Variants in CALN1 observed in about 807,000 individuals in gnomAD.
CALN1 encodes calneuron 1, also known as calcium-binding protein 8.
Under a neutral mutation model 30.6 loss-of-function variants are expected in CALN1, and 17 were observed. The observed-to-expected ratio is 0.56, with a 90% CI of 0.38 to 0.83. CALN1 has a LOEUF of 0.83. Among genes scored for constraint, CALN1 ranks in the 40% least tolerant of loss-of-function variants. The pLI, the probability that CALN1 is intolerant of heterozygous loss-of-function variation, is 0.00. For synonymous variants in CALN1, 156 were observed against 131.4 expected, an observed-to-expected ratio of 1.19 and a Z score of -1.28; for missense variants, 291 against 354.9, an observed-to-expected ratio of 0.82 and a Z score of 1.45.
chr7:72,257,261 C>T (rs563708109), intron 3 of CALN1, among the ~76,000 whole-genome samples: 20 of 152,264 alleles, frequency 1.3e-4, no homozygotes, highest in Admixed American at 7.8e-4. Context: ...TCACTAGACA[C>T]GTGCATATTG....
At chr7:72,430,834 T>C (rs1807950076) in intron 1 of CALN1, among the ~76,000 whole-genome samples, 1 of 152,110 alleles carries the variant, frequency 6.6e-6, no homozygotes, top group Admixed American at 6.6e-5. Flanking sequence ...TTAAAGCATA[T>C]GGGGTTGCAC....
chr7:72,229,983 T>C (rs1164750009), intron 3 of CALN1, among the ~76,000 whole-genome samples: 3 of 151,176 alleles, frequency 2.0e-5, no homozygotes, highest in Non-Finnish European at 2.9e-5. Flanking sequence ...TCTACAAAAA[T>C]ACAAAAAATT....
the CALN1 span, among the ~76,000 whole-genome samples, chr7:72,502,018 T>C: frequency 1.4e-5 from 2 of 144,824 alleles, no homozygotes; most frequent in African/African-American, 5.1e-5. Context: ...CATATATATA[T>C]TCTTTAAATG....
intron 3 of CALN1, among the ~76,000 whole-genome samples, chr7:72,265,261 G>A (rs1239373924): frequency 6.6e-6 from 1 of 152,182 alleles, no homozygotes; most frequent in African/African-American, 2.4e-5. Flanking sequence ...AAATGGGTGT[G>A]TCCTAACTCA....
intron 2 of CALN1, among the ~76,000 whole-genome samples, chr7:72,286,521 C>A (rs1798089918): frequency 6.6e-6 from 1 of 152,128 alleles, no homozygotes; most frequent in African/African-American, 2.4e-5. Context: ...TCAAATAACC[C>A]AGAAATATAT....
chr7:72,382,837 G>A (rs1224583591), intron 2 of CALN1, among the ~76,000 whole-genome samples: 2 of 152,188 alleles, frequency 1.3e-5, no homozygotes, highest in Non-Finnish European at 2.9e-5. Context: ...TTGCCAGGCT[G>A]GAGTGCAGGA....
chr7:71,917,385 T>C (rs553609677), intron 5 of CALN1, among the ~76,000 whole-genome samples: 5 of 152,224 alleles, frequency 3.3e-5, no homozygotes, highest in Non-Finnish European at 7.3e-5. Context: ...CACTATTATA[T>C]AATTGAAACT....
chr7:72,444,665 A>G (rs368721959), intron 1 of CALN1, among the ~76,000 whole-genome samples: 3 of 152,140 alleles, frequency 2.0e-5, no homozygotes, highest in East Asian at 1.9e-4. Context: ...AAACAGTCCA[A>G]TCCTTTGTGT....
At chr7:72,487,098 T>C in the CALN1 span, among the ~76,000 whole-genome samples, 2 of 152,180 alleles carry the variant, frequency 1.3e-5, no homozygotes, top group African/African-American at 4.8e-5. Context: ...TTGCCCTGGC[T>C]GGAGTACAGT....
chr7:72,189,736 C>G (rs1209672491), intron 3 of CALN1, among the ~76,000 whole-genome samples: 1 of 145,586 alleles, frequency 6.9e-6, no homozygotes, highest in Admixed American at 7.1e-5. Context: ...CCACTGCACT[C>G]TAGCCTAGGC....
At chr7:72,047,955 AAGT>A (rs1351819504) in intron 4 of CALN1, among the ~76,000 whole-genome samples, 3 of 152,142 alleles carry the variant, frequency 2.0e-5, no homozygotes, top group Non-Finnish European at 4.4e-5. Flanking sequence ...GATGTGAGCA[AAGT>A]AAGAGATGCT....
At chr7:72,338,477 G>GTGTGTA (rs1802210521) in intron 2 of CALN1, among the ~76,000 whole-genome samples, 1 of 103,540 alleles carries the variant, frequency 9.7e-6, no homozygotes, top group African/African-American at 4.7e-5. Flanking sequence ...CACAGTGTGT[G>GTGTGTA]TGTGTGTGTG....
chr7:72,355,944 T>C (rs188196597), intron 2 of CALN1, among the ~76,000 whole-genome samples: 1 of 152,304 alleles, frequency 6.6e-6, no homozygotes, highest in African/African-American at 2.4e-5. Flanking sequence ...CTCAATAAAG[T>C]TGATTTGAAA....
At chr7:72,173,914 T>C (rs1262531950) in intron 3 of CALN1, among the ~76,000 whole-genome samples, 2 of 152,110 alleles carry the variant, frequency 1.3e-5, no homozygotes, top group African/African-American at 4.8e-5. Flanking sequence ...GTATGAATCA[T>C]AACACAAAAT....
chr7:71,945,282 C>T (rs1796348262), intron 5 of CALN1, among the ~76,000 whole-genome samples: 1 of 152,184 alleles, frequency 6.6e-6, no homozygotes, highest in African/African-American at 2.4e-5. Flanking sequence ...AAGTAAACCT[C>T]TTTTCTTTCT....
upstream of CALN1, among the ~76,000 whole-genome samples, chr7:72,448,212 A>G (rs1325860155): frequency 6.6e-6 from 1 of 152,216 alleles, no homozygotes; most frequent in African/African-American, 2.4e-5. Flanking sequence ...GCAGCCAGCT[A>G]GACACACTGC....
At chr7:72,482,203 C>T in the CALN1 span, among the ~76,000 whole-genome samples, 1 of 152,130 alleles carries the variant, frequency 6.6e-6, no homozygotes, top group South Asian at 2.1e-4. Flanking sequence ...CATTCAACTT[C>T]ATTTTCATTA....
At chr7:72,226,419 T>G (rs1793682537) in intron 3 of CALN1, among the ~76,000 whole-genome samples, 1 of 152,030 alleles carries the variant, frequency 6.6e-6, no homozygotes, top group Non-Finnish European at 1.5e-5. Flanking sequence ...GTCCTTGCTC[T>G]TCCCCTCTTT....
chr7:72,300,825 T>G (rs190563495), intron 2 of CALN1, among the ~76,000 whole-genome samples: 4 of 152,200 alleles, frequency 2.6e-5, no homozygotes, highest in Admixed American at 1.3e-4. Flanking sequence ...AAACCCCGTC[T>G]CTACCAAAAA....
Sources: gnomAD v4.1 joint callset for allele counts (sites outside exome capture counted in the v4.1 genomes callset) on GRCh38, gnomAD v4.1.1 for gene constraint, MANE v1.5 for transcripts, NCBI Gene and HGNC (gene_info 2026-07-23, HGNC 2026-07-21) for gene names.